The following NSD2 variants were observed in gnomAD, a reference collection of about 807,000 sequenced individuals.
NSD2 encodes histone-lysine N-methyltransferase NSD2.
In NSD2, 12 loss-of-function variants were observed where a neutral mutation model predicts 139.0. The observed-to-expected ratio is 0.09, with a 90% CI of 0.06 to 0.14. The LOEUF is 0.14. Ranked by LOEUF, NSD2 falls within the 10% of genes least tolerant of loss-of-function variation. The pLI is 1.00. For synonymous variants in NSD2, 669 were observed against 648.7 expected, an observed-to-expected ratio of 1.03 and a Z score of -0.48; for missense variants, 1,155 against 1,745.0, an observed-to-expected ratio of 0.66 and a Z score of 6.02.
chr4:1,914,051 C>T (rs1719034877), intron 3 of NSD2, among the ~76,000 whole-genome samples: 1 of 152,046 alleles, frequency 6.6e-6, no homozygotes, highest in Non-Finnish European at 1.5e-5. Context: ...GAGGTGGAGT[C>T]TTGCTTTGTC....
At chr4:1,953,226 C>T in intron 11 of NSD2, 98 bp from the exon 12 acceptor site, 1 of 1,602,302 alleles carries the variant, frequency 6.2e-7, no homozygotes. Flanking sequence ...GCATGGCTGC[C>T]TCTGAAGAGG....
chr4:1,969,442 A>G (rs1204287065), intron 18 of NSD2, among the ~76,000 whole-genome samples: 2 of 152,122 alleles, frequency 1.3e-5, no homozygotes, highest in African/African-American at 4.8e-5. Context: ...GCGTGTGCCT[A>G]TAATCCCAGC....
In NSD2 at chr4:1,976,780, G is replaced by A. The variant is rs1266843912; in HGVS notation, c.3826+101G>A. ...CCTGCTGACCGGGCCTCATCTGGGTGCAGGCACATCAGGCGCTCATGCAGC... is the reference window on the plus strand; with the variant it reads ...CCTGCTGACCGGGCCTCATCTGGGTACAGGCACATCAGGCGCTCATGCAGC... On this transcript the variant is annotated intron_variant, in intron 21 of 21. Transcript: ENST00000508803. This position sits in a 1 kb window ranked among gnomAD's most constrained non-coding sequence, Gnocchi z 5.3. The A allele has an allele frequency of 3.9e-6, 5 of 1,291,384 alleles. No individual in the cohort carries two copies. The highest frequency in any genetic ancestry group is 5.2e-6 in the Non-Finnish European group (5 of 952,722). The allele number at this position is 1,291,384 out of a possible 1,614,324, so 80.0% of individuals were successfully genotyped here.
chr4:1,903,239 CA>C (rs1717424752), intron 2 of NSD2, among the ~76,000 whole-genome samples: 2 of 152,200 alleles, frequency 1.3e-5, no homozygotes, highest in Admixed American at 1.3e-4. Flanking sequence ...TGCTCTTGAG[CA>C]AGGCTAGAGA....
intron 10 of NSD2, 114 bp downstream of exon 10, chr4:1,951,317 A>C: frequency 2.5e-5 from 35 of 1,388,122 alleles, no homozygotes; most frequent in Non-Finnish European, 3.1e-5. Flanking sequence ...CCCCAATCTC[A>C]CCGTCACTCA....
In NSD2 at chr4:1,904,928, C is replaced by T. The variant is rs930644858; in HGVS notation, c.760+550C>T. On this transcript the variant is annotated intron_variant, in intron 3 of 21. Coordinates refer to ENST00000508803, the MANE Select transcript of NSD2 (RefSeq NM_001042424.3). Reference sequence around the variant, plus strand: ...GGTGGATCACTTGAGGTCAGGAGTTCGAGACTAGCCTGACCAACATGGTCA... The same window carrying T: ...GGTGGATCACTTGAGGTCAGGAGTTTGAGACTAGCCTGACCAACATGGTCA... Among the ~76,000 whole-genome samples, 9 of 152,062 alleles carry T rather than the reference C, an allele frequency of 5.9e-5. No individual in the cohort carries two copies. The South Asian group carries it at 6.2e-4, about 11-fold the overall frequency.
In NSD2 at chr4:1,978,903, C is replaced by T. The variant is rs745914267; in HGVS notation, c.4092C>T (p.Gly1364=). 89 of 1,531,924 alleles carry T rather than the reference C, an allele frequency of 5.8e-5. No homozygotes were observed. Among genetic ancestry groups the T allele is most frequent in the Non-Finnish European group, 6.9e-5 (78 of 1,137,812 alleles). The allele number at this position is 1,531,924 out of a possible 1,614,324, so 94.9% of individuals were successfully genotyped here. A position where few individuals can be genotyped will look rare whatever the true frequency, so the allele number is the denominator to read the frequency against. The change falls in exon 22 of 22, where the codon GGC becomes GGT. Residue 1364 remains glycine, a synonymous_variant. Transcript: ENST00000508803. The part of the protein sequence containing the change: ...RRRGWRRVTE[G]K ...GGGGCTGGCGGAGAGTCACAGAGGG[C>T]AAATAGCGCCAGGCGGCCGCTTGGC...
intron 18 of NSD2, among the ~76,000 whole-genome samples, chr4:1,967,310 T>G (rs919351801): frequency 4.6e-5 from 7 of 152,230 alleles, no homozygotes; most frequent in African/African-American, 1.7e-4. Context: ...CCGGGCACGG[T>G]GGCTCATGCC....
At chr4:1,944,691 C>T (rs1229872586) in intron 9 of NSD2, 1 of 1,064,254 alleles carries the variant, frequency 9.4e-7, no homozygotes, top group African/African-American at 1.6e-5. Context: ...AATAGAGGTC[C>T]TGAATTGTTT....
At position 1,873,588 on chromosome 4, in the gene NSD2, C is replaced by G. The variant is rs550827208; in HGVS notation, c.-30+2046C>G. ...ATCTGAATAGGTAGAAGACAACCCACTCCTCCTAATCCTGTGGGGCTTACA... is the reference window on the plus strand; with the variant it reads ...ATCTGAATAGGTAGAAGACAACCCAGTCCTCCTAATCCTGTGGGGCTTACA... On this transcript the variant is annotated intron_variant, in intron 1 of 21. Transcript: ENST00000508803. Among the ~76,000 whole-genome samples the G allele has an allele frequency of 2.6e-5, 4 of 152,350 alleles. No individual in the cohort carries two copies. In the East Asian group the frequency reaches 7.7e-4, roughly 29 times the overall value.
intron 1 of NSD2, among the ~76,000 whole-genome samples, chr4:1,872,581 T>TGAGAGAGAGA (rs1713882211): frequency 3.0e-5 from 2 of 66,306 alleles, no homozygotes; most frequent in South Asian, 5.5e-4. Flanking sequence ...TGTGTGTGTG[T>TGAGAGAGAGA]GTGTGTGTGT....
chr4:1,982,141 G>GTGTT lies in NSD2; in HGVS notation c.*3235_*3238dup, dbSNP rs1727829285. On this transcript the variant is annotated 3_prime_UTR_variant, in exon 22 of 22. Transcript: ENST00000508803. ...AAAATAGCATTTAAAATGGAAAGCTGTGTTTGGAAAATTGTGTATGAGTAT... is the reference window on the plus strand; with the variant it reads ...AAAATAGCATTTAAAATGGAAAGCTGTGTTTGTTTGGAAAATTGTGTATGAGTAT... 5.1e-6 allele frequency: 2 copies of GTGTT among 394,114 alleles called. No individual in the cohort carries two copies. Among genetic ancestry groups the GTGTT allele is most frequent in the Non-Finnish European group, 8.9e-6 (2 of 223,824 alleles). 24.4% of individuals were successfully genotyped at this position (394,114 alleles called of 1,614,324 possible). A position where few individuals can be genotyped will look rare whatever the true frequency, so the allele number is the denominator to read the frequency against.
chr4:1,939,792 A>T lies in NSD2; in HGVS notation c.1881+14A>T. The T allele has an allele frequency of 6.2e-7, 1 of 1,614,192 alleles. No homozygotes were observed. Among genetic ancestry groups the T allele is most frequent in the Non-Finnish European group, 8.5e-7 (1 of 1,180,016 alleles). On this transcript the variant is annotated intron_variant, in intron 9 of 21. Transcript: ENST00000508803. ...ACTGAGAATGAGGTAAAATAATAAT[A>T]ATAACGATAACCATGGCATTGGTAT...
At chr4:1,871,808 C>A (rs1451091290) in intron 1 of NSD2, among the ~76,000 whole-genome samples, 1 of 127,270 alleles carries the variant, frequency 7.9e-6, no homozygotes, top group African/African-American at 2.9e-5. Context: ...GGGCGGACCG[C>A]GGAGGCCGGG....
At chr4:1,927,819 A>G (rs549962407) in intron 5 of NSD2, among the ~76,000 whole-genome samples, 12 of 151,356 alleles carry the variant, frequency 7.9e-5, no homozygotes, top group East Asian at 5.8e-4. Context: ...AGAGTCTCCA[A>G]TTACGTTGGC....
At chr4:1,944,618 G>GT (rs1723431496) in intron 9 of NSD2, 1 of 1,063,166 alleles carries the variant, frequency 9.4e-7, no homozygotes, top group Admixed American at 5.4e-5. Context: ...GATTGTAGCT[G>GT]TTCTAAAAAC....
intron 1 of NSD2, among the ~76,000 whole-genome samples, chr4:1,872,613 A>AGAGAGAGAGAGAGAGAGAGAGAGAGAGG (rs1560533957): frequency 1.2e-4 from 17 of 143,870 alleles, no homozygotes; most frequent in African/African-American, 4.3e-4. Flanking sequence ...AGAGAGAGAG[A>AGAGAGAGAGAGAGAGAGAGAGAGAGAGG]GAGAGAGAGA....
At chr4:1,962,387 T>G (rs1274791701) in intron 18 of NSD2, among the ~76,000 whole-genome samples, 1 of 152,162 alleles carries the variant, frequency 6.6e-6, no homozygotes, top group Non-Finnish European at 1.5e-5. Context: ...TGGGAAAAAT[T>G]TTAATTTGGA....
chr4:1,936,397 G>A (rs1722401984), intron 7 of NSD2, among the ~76,000 whole-genome samples: 1 of 152,160 alleles, frequency 6.6e-6, no homozygotes, highest in Admixed American at 6.5e-5. Flanking sequence ...CTGGCCGGGT[G>A]TGGTAGCTCA....
Sources: allele counts gnomAD v4.1 joint callset (sites outside exome capture counted in the v4.1 genomes callset), GRCh38; gene constraint gnomAD v4.1.1; non-coding constraint Gnocchi (gnomAD v3.1); transcripts MANE v1.5; gene names NCBI Gene and HGNC (gene_info 2026-07-23, HGNC 2026-07-21).